The following COL9A3 variants were observed in gnomAD, a reference collection of about 807,000 sequenced individuals.
COL9A3 encodes collagen type IX alpha 3 chain, also known as collagen alpha-3(IX) chain.
In COL9A3, 82 loss-of-function variants were observed where a neutral mutation model predicts 110.2. The observed-to-expected ratio is 0.74, with a 90% CI of 0.62 to 0.89. The LOEUF is 0.89. Among genes scored for constraint, COL9A3 ranks in the 40% least tolerant of loss-of-function variants. The pLI, the probability that COL9A3 is intolerant of heterozygous loss-of-function variation, is 0.00. For synonymous variants in COL9A3, 494 were observed against 403.8 expected, an observed-to-expected ratio of 1.22 and a Z score of -2.68; for missense variants, 1,066 against 981.3, an observed-to-expected ratio of 1.09 and a Z score of -1.15.
At chr20:62,819,174 T>G (rs1423175875) in intron 3 of COL9A3, 48 bp from the exon 4 acceptor site, 1 of 1,571,556 alleles carries the variant, frequency 6.4e-7, no homozygotes, top group Non-Finnish European at 8.7e-7. Context: ...AGGCCTGGGC[T>G]CCAGGCCAGA....
intron 1 of COL9A3, 33 bp downstream of exon 1, chr20:62,817,175 G>C (rs1990956296): frequency 8.2e-6 from 11 of 1,346,512 alleles, no homozygotes; most frequent in Non-Finnish European, 9.6e-6. Context: ...GAGGCTGGAC[G>C]TGGAGCCGCG....
rs1240037509 is a variant in COL9A3 at position 62,835,937 on chromosome 20, T to A, written c.1385T>A (p.Val462Asp). The A allele has an allele frequency of 1.2e-6, 2 of 1,614,150 alleles. No individual in the cohort carries two copies. Residue 462 changes from valine (V) to aspartate (D), a missense_variant, in exon 27 of 32, where the codon GTC becomes GAC. Transcript: ENST00000649368. ...TCTTCACAGGGTCCCAGCGGCCTGGTCGGACCCAAAGGAGAGGTGAGTGCC... is the reference window on the plus strand; with the variant it reads ...TCTTCACAGGGTCCCAGCGGCCTGGACGGACCCAAAGGAGAGGTGAGTGCC... ...DKGELGPSGL[V>D]GPKGESGSRG... is the part of the protein sequence containing the mutation.
chr20:62,837,344 G>C, intron 30 of COL9A3, 79 bp downstream of exon 30: 1 of 1,493,054 alleles, frequency 6.7e-7, no homozygotes, highest in Non-Finnish European at 9.1e-7. Flanking sequence ...GCTGCTTCTG[G>C]TGCCTGCCAT....
At chr20:62,825,243 C>G (rs1008274136) in intron 12 of COL9A3, among the ~76,000 whole-genome samples, 1 of 152,148 alleles carries the variant, frequency 6.6e-6, no homozygotes, top group Non-Finnish European at 1.5e-5. Flanking sequence ...CTGGCACCTT[C>G]TGTGCCTGTC....
At chr20:62,840,320 C>G (rs922195555) in intron 31 of COL9A3, among the ~76,000 whole-genome samples, 1 of 152,180 alleles carries the variant, frequency 6.6e-6, no homozygotes, top group Non-Finnish European at 1.5e-5. Context: ...CTCTGCACCC[C>G]TGCCTGGGGC....
rs1157507559 is a variant in COL9A3 at position 62,829,483 on chromosome 20, G to T, written c.1037G>T (p.Gly346Val). Residue 346 changes from glycine to valine, a missense_variant, in exon 20 of 32, where the codon GGC becomes GTC. Physicochemically the swap from Gly to Val is moderately radical, Grantham distance 109. Coordinates refer to ENST00000649368, the MANE Select transcript of COL9A3 (RefSeq NM_001853.4). The stretch of plus-strand genomic sequence containing the variant: ...CTCCCTGGACGAGCGGGGTCCAAAG[G>T]CGAGAAGGGAGAACGGGTATGTGGC... ...PGLPGRAGSK[G>V]EKGERGRAGE... 2 of 1,612,774 alleles carry T rather than the reference G, an allele frequency of 1.2e-6. No homozygotes were observed. Among genetic ancestry groups the T allele is most frequent in the African/African-American group, 1.3e-5 (1 of 74,932 alleles).
intron 5 of COL9A3, among the ~76,000 whole-genome samples, chr20:62,820,969 T>C (rs1036132792): frequency 6.6e-6 from 1 of 152,172 alleles, no homozygotes; most frequent in Non-Finnish European, 1.5e-5. Flanking sequence ...CAGCGAGCGC[T>C]GGGACTCTGG....
chr20:62,821,541 A>G lies in COL9A3; in HGVS notation c.369+11A>G. 1.2e-6 allele frequency: 2 copies of G among 1,612,494 alleles called. No individual in the cohort carries two copies. Among genetic ancestry groups the G allele is most frequent in the Non-Finnish European group, 1.7e-6 (2 of 1,179,852 alleles). On this transcript the variant is annotated intron_variant, in intron 7 of 31. Coordinates refer to ENST00000649368, the MANE Select transcript of COL9A3 (RefSeq NM_001853.4). ...CTCCCTGGACCCCCCGTGAGTACTG[A>G]CAACCCTTGGGGCCCTGAGCAAGCA...
At chr20:62,819,828 T>TCTGGA (rs1372637671) in intron 4 of COL9A3, 101 bp from the exon 5 acceptor site, 2 of 1,329,922 alleles carry the variant, frequency 1.5e-6, no homozygotes, top group Non-Finnish European at 2.2e-6. Context: ...TCTATGCCTC[T>TCTGGA]CTGGACTCAC....
In COL9A3 at chr20:62,835,318, C is replaced by T. The variant is rs375197094; in HGVS notation, c.1369-603C>T. Among the ~76,000 whole-genome samples, 21 of 152,356 alleles carry T rather than the reference C, an allele frequency of 1.4e-4. No individual in the cohort carries two copies. The East Asian group carries it at 3.1e-3, about 22-fold the overall frequency. The stretch of plus-strand genomic sequence containing the variant: ...TCCATCGAGGGCCTCCCCACTGCGT[C>T]ATTCCATGGTGGAAGGCAGAAGGGC... On this transcript the variant is annotated intron_variant, in intron 26 of 31. Transcript: ENST00000649368.
rs1391864322 is a variant in COL9A3 at position 62,826,122 on chromosome 20, G to A, written c.685-82G>A. 6.3e-6 allele frequency: 9 copies of A among 1,437,628 alleles called. 1 individual carries two copies. Among genetic ancestry groups the A allele is most frequent in the Middle Eastern group, 4.5e-4 (2 of 4,428 alleles). The allele number at this position is 1,437,628 out of a possible 1,614,324, so 89.1% of individuals were successfully genotyped here. ...ATGGAAGACACCAGGGCTCCCAGGG[G>A]TACCCCGAGGGCCTTGGCCCTGGGT... On this transcript the variant is annotated intron_variant, in intron 13 of 31. Transcript: ENST00000649368.
At chr20:62,832,721 A>T in intron 25 of COL9A3, 1 of 259,704 alleles carries the variant, frequency 3.9e-6, no homozygotes. Flanking sequence ...TCTAGGCACA[A>T]GGCCTTTCCA....
intron 30 of COL9A3, among the ~76,000 whole-genome samples, chr20:62,837,775 C>A (rs6512317): frequency 0.13 from 19,626 of 151,590 alleles, 1,810 homozygotes; most frequent in African/African-American, 0.26. Flanking sequence ...CCATTGCACT[C>A]CAGCTTGGGC....
At chr20:62,832,708 A>AGTGCCTGCTGTCT in intron 25 of COL9A3, 1 of 252,134 alleles carries the variant, frequency 4.0e-6, no homozygotes, top group Non-Finnish European at 6.7e-6. Flanking sequence ...GCCTGCTCTC[A>AGTGCCTGCTGTCT]CTTCTAGGCA....
intron 26 of COL9A3, among the ~76,000 whole-genome samples, chr20:62,835,623 T>G (rs1204999565): frequency 6.6e-6 from 1 of 152,058 alleles, no homozygotes; most frequent in East Asian, 1.9e-4. Context: ...AGCCCAGCAT[T>G]AGGCGTGTTA....
In COL9A3 at chr20:62,827,155, C is replaced by G. The variant is rs187924500; in HGVS notation, c.793-86C>G. 43 of 1,342,918 alleles carry G rather than the reference C, an allele frequency of 3.2e-5. 1 individual carries two copies. The South Asian group carries it at 4.9e-4, about 15-fold the overall frequency. 83.2% of individuals were successfully genotyped at this position (1,342,918 alleles called of 1,614,324 possible). Reference sequence around the variant, plus strand: ...TGACCACTCCTGGAGGGCTGTCCCCCGCCCGGGCCTGGAGGGGCCCCCGTC... The same window carrying G: ...TGACCACTCCTGGAGGGCTGTCCCCGGCCCGGGCCTGGAGGGGCCCCCGTC... On this transcript the variant is annotated intron_variant, in intron 15 of 31. Coordinates refer to ENST00000649368, the MANE Select transcript of COL9A3 (RefSeq NM_001853.4).
chr20:62,832,792 C>T (rs2063606652), intron 25 of COL9A3: 4 of 472,326 alleles, frequency 8.5e-6, no homozygotes, highest in African/African-American at 2.0e-5. Context: ...GCAGAAAAGC[C>T]TCATTATGCA....
chr20:62,819,393 C>T (rs1991046150), intron 4 of COL9A3, 100 bp downstream of exon 4: 8 of 1,183,830 alleles, frequency 6.8e-6, no homozygotes, highest in African/African-American at 3.0e-5. Flanking sequence ...CCTGCTCAGG[C>T]GGGAAGCCCA....
chr20:62,816,895 TG>T (rs1463992267), upstream of COL9A3, among the ~76,000 whole-genome samples: 1 of 150,030 alleles, frequency 6.7e-6, no homozygotes, highest in Non-Finnish European at 1.5e-5. Flanking sequence ...CCAGGCGGGC[TG>T]GGCGGCGGCG....
Sources: allele counts gnomAD v4.1 joint callset (sites outside exome capture counted in the v4.1 genomes callset), GRCh38; gene constraint gnomAD v4.1.1; transcripts MANE v1.5; gene names NCBI Gene and HGNC (gene_info 2026-07-23, HGNC 2026-07-21).